The following GRM1 variants were observed in gnomAD, a reference collection of about 807,000 sequenced individuals.
GRM1 encodes the protein metabotropic glutamate receptor 1.
In GRM1, 33 loss-of-function variants were observed where a neutral mutation model predicts 90.9. The ratio of observed to expected loss-of-function variants is 0.36; its 90% CI spans 0.28 to 0.49. The LOEUF is 0.49. Among genes scored for constraint, GRM1 ranks in the 20% least tolerant of loss-of-function variants. GRM1 has a pLI of 0.99. For missense variants in GRM1, 1,190 were observed against 1,534.3 expected, an observed-to-expected ratio of 0.78 and a Z score of 3.75; for synonymous variants, 700 against 613.2, an observed-to-expected ratio of 1.14 and a Z score of -2.09.
chr6:146,180,233 G>T (rs1208438555), intron 2 of GRM1, among the ~76,000 whole-genome samples: 1 of 140,552 alleles, frequency 7.1e-6, no homozygotes, highest in African/African-American at 2.5e-5. Flanking sequence ...TTTATTTTAT[G>T]CAGATATTAA....
At chr6:146,394,652 G>T (rs970007856) in intron 6 of GRM1, among the ~76,000 whole-genome samples, 9 of 152,092 alleles carry the variant, frequency 5.9e-5, no homozygotes, top group African/African-American at 2.2e-4. Flanking sequence ...AAATATTCCG[G>T]TGAAAATGTC....
chr6:146,145,092 G>T (rs1183499321), intron 1 of GRM1, among the ~76,000 whole-genome samples: 1 of 152,138 alleles, frequency 6.6e-6, no homozygotes, highest in Non-Finnish European at 1.5e-5. Flanking sequence ...GTTGCTTTTG[G>T]CTGCTAATCC....
chr6:146,365,472 A>G (rs993585246), intron 5 of GRM1: 1 of 152,254 alleles, frequency 6.6e-6, no homozygotes, highest in Non-Finnish European at 1.5e-5. Context: ...CCATGGAGAA[A>G]TGCTGTGAAT....
At chr6:146,265,415 G>C (rs1781843441) in intron 2 of GRM1, among the ~76,000 whole-genome samples, 1 of 152,114 alleles carries the variant, frequency 6.6e-6, no homozygotes, top group Non-Finnish European at 1.5e-5. Flanking sequence ...GTTCCTTGTA[G>C]ATTCTGAATA....
At chr6:146,311,689 A>C (rs1048732802) in intron 3 of GRM1, among the ~76,000 whole-genome samples, 1 of 152,134 alleles carries the variant, frequency 6.6e-6, no homozygotes, top group Admixed American at 6.5e-5. Flanking sequence ...TAGAATATAC[A>C]TTTTTCTGTT....
intron 3 of GRM1, among the ~76,000 whole-genome samples, chr6:146,324,143 T>A (rs893327245): frequency 6.6e-6 from 1 of 152,174 alleles, no homozygotes; most frequent in Non-Finnish European, 1.5e-5. Flanking sequence ...TTTGCGGAGC[T>A]GCGGTGGGCT....
chr6:146,049,688 T>TATCC (rs1554261185), intron 1 of GRM1, among the ~76,000 whole-genome samples: 17 of 150,900 alleles, frequency 1.1e-4, no homozygotes, highest in African/African-American at 4.2e-4. Flanking sequence ...TCTATCTATC[T>TATCC]ATCTATCTAT....
intron 1 of GRM1, among the ~76,000 whole-genome samples, chr6:146,053,781 C>T (rs901679488): frequency 6.6e-6 from 1 of 152,014 alleles, no homozygotes; most frequent in East Asian, 1.9e-4. Context: ...TCCCCTTCCT[C>T]CTTAGGTAAT....
At chr6:146,154,105 G>A (rs1415527081) in intron 1 of GRM1, among the ~76,000 whole-genome samples, 1 of 152,106 alleles carries the variant, frequency 6.6e-6, no homozygotes, top group Non-Finnish European at 1.5e-5. Flanking sequence ...TAAAACACAA[G>A]GATTTTCTTA....
intron 5 of GRM1, among the ~76,000 whole-genome samples, chr6:146,379,206 C>T: frequency 6.6e-6 from 1 of 152,070 alleles, no homozygotes; most frequent in Admixed American, 6.6e-5. Context: ...GGCCTATAAT[C>T]CTTAGATTTG....
At chr6:146,367,786 T>C (rs759913279) in intron 5 of GRM1, among the ~76,000 whole-genome samples, 12 of 152,196 alleles carry the variant, frequency 7.9e-5, no homozygotes, top group Admixed American at 1.3e-4. Context: ...ACAGTGTGTA[T>C]GTACCTCATT....
At chr6:146,176,946 T>A (rs1331854932) in intron 2 of GRM1, among the ~76,000 whole-genome samples, 2 of 152,100 alleles carry the variant, frequency 1.3e-5, no homozygotes, top group Non-Finnish European at 1.5e-5. Context: ...ATCTCTCATA[T>A]TAGGGCTATT....
At chr6:146,153,444 C>T (rs1399735331) in intron 1 of GRM1, among the ~76,000 whole-genome samples, 2 of 152,196 alleles carry the variant, frequency 1.3e-5, no homozygotes, top group African/African-American at 4.8e-5. Context: ...GTTCTTTCTA[C>T]ATTAGTGCTG....
At chr6:146,316,196 G>T (rs575794362) in intron 3 of GRM1, among the ~76,000 whole-genome samples, 1 of 152,140 alleles carries the variant, frequency 6.6e-6, no homozygotes, top group Non-Finnish European at 1.5e-5. Context: ...GGCCACTCAC[G>T]TGTCTTGGCT....
At chr6:146,364,453 C>T (rs1775602938) in intron 5 of GRM1, among the ~76,000 whole-genome samples, 1 of 152,188 alleles carries the variant, frequency 6.6e-6, no homozygotes, top group Non-Finnish European at 1.5e-5. Flanking sequence ...ATCCTGTCCC[C>T]ATGACCCACT....
At chr6:146,365,306 C>T (rs1364818916) in intron 5 of GRM1, 1 of 152,068 alleles carries the variant, frequency 6.6e-6, no homozygotes, top group Non-Finnish European at 1.5e-5. Context: ...TGAAAAATTC[C>T]ATGGAAATAT....
At chr6:146,160,860 T>C (rs574426570) in intron 2 of GRM1, among the ~76,000 whole-genome samples, 1 of 152,254 alleles carries the variant, frequency 6.6e-6, no homozygotes, top group Admixed American at 6.5e-5. Context: ...CAAATTGTAA[T>C]TCATGATTAA....
intron 2 of GRM1, among the ~76,000 whole-genome samples, chr6:146,214,591 A>G (rs1779805054): frequency 6.6e-6 from 1 of 152,172 alleles, no homozygotes; most frequent in Non-Finnish European, 1.5e-5. Flanking sequence ...TCATAATTGT[A>G]TTGTAGGTCA....
At chr6:146,164,910 T>C (rs1455406769) in intron 2 of GRM1, among the ~76,000 whole-genome samples, 1 of 152,098 alleles carries the variant, frequency 6.6e-6, no homozygotes, top group Non-Finnish European at 1.5e-5. Flanking sequence ...CTAGCCCTTT[T>C]TACTGGATTC....
Sources: allele counts gnomAD v4.1 joint callset (sites outside exome capture counted in the v4.1 genomes callset), GRCh38; gene constraint gnomAD v4.1.1; transcripts MANE v1.5; gene names NCBI Gene and HGNC (gene_info 2026-07-23, HGNC 2026-07-21).